The following ADAM33 variants were observed in gnomAD, a reference collection of about 807,000 sequenced individuals.
The protein encoded by ADAM33 is disintegrin and metalloproteinase domain-containing protein 33.
In ADAM33, 103 loss-of-function variants were observed where a neutral mutation model predicts 106.2. The observed-to-expected ratio is 0.97, with a 90% CI of 0.83 to 1.14. The LOEUF (loss-of-function observed/expected upper bound fraction) is 1.14, where lower values mean the gene tolerates loss of function less well. Among genes scored for constraint, ADAM33 ranks in the 50% most tolerant of loss-of-function variants. The pLI is 0.00. For missense variants in ADAM33, 1,120 were observed against 1,096.6 expected, an observed-to-expected ratio of 1.02 and a Z score of -0.30; for synonymous variants, 483 against 453.0, an observed-to-expected ratio of 1.07 and a Z score of -0.84.
chr20:3,676,286 C>G (rs1600233630), intron 3 of ADAM33, among the ~76,000 whole-genome samples: 1 of 152,018 alleles, frequency 6.6e-6, no homozygotes, highest in African/African-American at 2.4e-5. Flanking sequence ...CTTCTGTGAT[C>G]TGGCCCTCCT....
At chr20:3,672,409 G>T (rs1343916565) in intron 13 of ADAM33, 80 bp from the exon 14 acceptor site, 25 of 1,577,834 alleles carry the variant, frequency 1.6e-5, no homozygotes, top group Middle Eastern at 1.7e-4. Flanking sequence ...GCGGCTCGGA[G>T]CTGGGGGAGC....
chr20:3,668,985 ATCTGGACT>A lies in ADAM33; in HGVS notation c.2412_2419del (p.Gln804HisfsTer13), dbSNP rs17548837. The A allele has an allele frequency of 0.039, 63,089 of 1,606,126 alleles. 1,712 individuals carry two copies. Among genetic ancestry groups the A allele is most frequent in the East Asian group, 0.11 (4,990 of 44,562 alleles). ...CTCTCACCAGAGGCAGGATCTTGGC[ATCTGGACT>A]TGATCTGCTGAGAATGAGGAGGATA... On this transcript the variant is annotated frameshift_variant, in exon 22 of 22. Coordinates refer to ENST00000356518, the MANE Select transcript of ADAM33 (RefSeq NM_025220.5). LOFTEE classifies it high-confidence loss of function.
Position 3,673,493 on chromosome 20 carries a change from G to A in ADAM33, c.994C>T (p.His332Tyr), listed in dbSNP as rs766544913. Residue 332 changes from histidine to tyrosine, a missense_variant, in exon 11 of 22, where the codon CAC (histidine) becomes TAC (tyrosine). Physicochemically the swap from His to Tyr is moderately conservative, Grantham distance 83. Coordinates refer to ENST00000356518, the MANE Select transcript of ADAM33 (RefSeq NM_025220.5). The stretch of plus-strand genomic sequence containing the variant: ...GCGGCGCCGATGGGGAGCTCCGAGT[G>A]GTCCTGGGGGGCCGTGGGAGGGCGG... ...AESSGGVSTDHSELPIGAAAT... is the reference protein window; with the variant it reads ...AESSGGVSTDYSELPIGAAAT... The A allele has an allele frequency of 2.0e-6, 3 of 1,494,252 alleles. No individual in the cohort carries two copies. The highest frequency in any genetic ancestry group is 2.3e-5 in the Admixed American group (1 of 43,556). The allele number at this position is 1,494,252 out of a possible 1,614,324, so 92.6% of individuals were successfully genotyped here.
At chr20:3,674,875 AT>A in intron 4 of ADAM33, 26 bp from the exon 5 acceptor site, 1 of 1,608,946 alleles carries the variant, frequency 6.2e-7, no homozygotes, top group Non-Finnish European at 8.5e-7. Flanking sequence ...CCAGCCCCAA[AT>A]CTCAGCCAGG....
Position 3,673,498 on chromosome 20 carries a change from TG to T in ADAM33, c.991-3del. The T allele has an allele frequency of 6.1e-6, 9 of 1,487,370 alleles. No homozygotes were observed. In the Admixed American group the frequency reaches 7.0e-5, roughly 12 times the overall value. The allele number at this position is 1,487,370 out of a possible 1,614,324, so 92.1% of individuals were successfully genotyped here. A position where few individuals can be genotyped will look rare whatever the true frequency, so the allele number is the denominator to read the frequency against. ...GCCGATGGGGAGCTCCGAGTGGTCC[TG>T]GGGGGCCGTGGGAGGGCGGTCACTG... On this transcript the variant is annotated splice_region_variant and splice_polypyrimidine_tract_variant and intron_variant, in intron 10 of 21. Coordinates refer to ENST00000356518, the MANE Select transcript of ADAM33 (RefSeq NM_025220.5).
Position 3,673,554 on chromosome 20 carries a change from C to G in ADAM33, c.990+20G>C, listed in dbSNP as rs1394450455. The G allele has an allele frequency of 7.1e-7, 1 of 1,403,364 alleles. No homozygotes were observed. The highest frequency in any genetic ancestry group is 3.3e-5 in the Admixed American group (1 of 30,500). The allele number at this position is 1,403,364 out of a possible 1,614,324, so 86.9% of individuals were successfully genotyped here. ...CGTAGAGCCTCCTGTCTCTCCCTCG[C>G]CCCCGCCCGCGGGGCTCACCGTGCT... On this transcript the variant is annotated intron_variant, in intron 10 of 21. Coordinates refer to ENST00000356518, the MANE Select transcript of ADAM33 (RefSeq NM_025220.5).
chr20:3,671,776 A>G lies in ADAM33; in HGVS notation c.1710T>C (p.Asp570=). 2 of 1,561,110 alleles carry G rather than the reference A, an allele frequency of 1.3e-6. No individual in the cohort carries two copies. The highest frequency in any genetic ancestry group is 1.7e-6 in the Non-Finnish European group (2 of 1,152,318). The change falls in exon 16 of 22, where the codon GAT becomes GAC. Residue 570 remains aspartate (D), a synonymous_variant. Coordinates refer to ENST00000356518, the MANE Select transcript of ADAM33 (RefSeq NM_025220.5). ...GGCACTGCAGCTTCCCACACAGGGC[A>G]TCCCTGGGGAGGAAGTAGAGGGGGG... is the stretch of plus-strand genomic sequence containing the variant. ...EGHFLPCAGR[D]ALCGKLQCQG... is the part of the protein sequence containing the mutation.
At chr20:3,676,129 T>A (rs1231609464) in intron 3 of ADAM33, among the ~76,000 whole-genome samples, 1 of 152,204 alleles carries the variant, frequency 6.6e-6, no homozygotes, top group Non-Finnish European at 1.5e-5. Flanking sequence ...GATAACATAA[T>A]CTGGGTGGTT....
At chr20:3,676,745 C>G (rs1383352985) in intron 3 of ADAM33, among the ~76,000 whole-genome samples, 1 of 152,140 alleles carries the variant, frequency 6.6e-6, no homozygotes, top group Non-Finnish European at 1.5e-5. Flanking sequence ...CCTGGGGTGC[C>G]GGCTCATCTT....
intron 19 of ADAM33, chr20:3,670,634 G>C: frequency 4.4e-6 from 1 of 225,612 alleles, no homozygotes. Context: ...AAACTGGTGA[G>C]ACAGAGGCTG....
chr20:3,673,600 CGCGGCACAT>C lies in ADAM33; in HGVS notation c.955_963del (p.Met319_Arg321del), dbSNP rs1568806879. ...GTGCTCACGCCTCCCGAGCTCTCGG[CGCGGCACAT>C]GCCCTCGACGGGCGCCAGGCCCACT... On this transcript the variant is annotated inframe_deletion, in exon 10 of 22. Transcript: ENST00000356518. 6.6e-6 allele frequency: 9 copies of C among 1,371,110 alleles called. No homozygotes were observed. The highest frequency in any genetic ancestry group is 8.4e-6 in the Non-Finnish European group (9 of 1,069,836). The allele number at this position is 1,371,110 out of a possible 1,614,324, so 84.9% of individuals were successfully genotyped here.
At chr20:3,679,376 G>C (rs942258197) in intron 2 of ADAM33, 116 bp downstream of exon 2, 18 of 1,052,022 alleles carry the variant, frequency 1.7e-5, no homozygotes, top group Non-Finnish European at 2.1e-5. Context: ...GCCTATAGGA[G>C]TAGTGACTTG....
At chr20:3,670,355 TATGTCAGAC>T (rs2087453346) in intron 19 of ADAM33, 1 of 160,306 alleles carries the variant, frequency 6.2e-6, no homozygotes, top group Non-Finnish European at 1.4e-5. Flanking sequence ...AAGACCAGGC[TATGTCAGAC>T]ATGGCCACAG....
At chr20:3,681,799 G>A in intron 1 of ADAM33, 109 bp downstream of exon 1, 2 of 1,430,482 alleles carry the variant, frequency 1.4e-6, no homozygotes, top group East Asian at 2.9e-5. Flanking sequence ...TATGGTGCCG[G>A]GGCCGTGAGA....
chr20:3,680,603 C>T (rs2088404376), intron 1 of ADAM33, among the ~76,000 whole-genome samples: 2 of 152,116 alleles, frequency 1.3e-5, no homozygotes, highest in Non-Finnish European at 2.9e-5. Context: ...GGAAAGGAGG[C>T]TAGAGGGGCC....
At chr20:3,681,764 T>G in intron 1 of ADAM33, 144 bp downstream of exon 1, 4 of 1,268,198 alleles carry the variant, frequency 3.2e-6, no homozygotes, top group South Asian at 1.8e-5. Context: ...CCCCAAAGAG[T>G]CCCCACGCCC....
At chr20:3,673,544 C>T in intron 10 of ADAM33, 30 bp downstream of exon 10, 1 of 1,420,966 alleles carries the variant, frequency 7.0e-7, no homozygotes, top group Non-Finnish European at 9.1e-7. Context: ...AGCCTCCTGT[C>T]TCTCCCTCGC....
Position 3,674,539 on chromosome 20 carries a change from C to T in ADAM33, c.565G>A (p.Gly189Ser). 1 of 1,613,540 alleles carries T rather than the reference C, an allele frequency of 6.2e-7. No individual in the cohort carries two copies. The highest frequency in any genetic ancestry group is 8.5e-7 in the Non-Finnish European group (1 of 1,179,926). Residue 189 changes from glycine (G) to serine (S), a missense_variant, in exon 6 of 22, where the codon GGC becomes AGC. Physicochemically the swap from Gly to Ser is moderately conservative, Grantham distance 56 (BLOSUM62 0). Transcript: ENST00000356518. Reference sequence around the variant, plus strand: ...GGACCACCAGGAAGGCTGGTCATGCCCGCTTTGTTCCCAGGATCCCTGTGG... The same window carrying T: ...GGACCACCAGGAAGGCTGGTCATGCTCGCTTTGTTCCCAGGATCCCTGTGG... The part of the protein sequence containing the change: ...CGHRDPGNKA[G>S]MTSLPGGPQS...
In ADAM33 at chr20:3,674,594, C is replaced by T; in HGVS notation, c.510G>A (p.Glu170=). 1 of 1,613,346 alleles carries T rather than the reference C, an allele frequency of 6.2e-7. No individual in the cohort carries two copies. Among genetic ancestry groups the T allele is most frequent in the Non-Finnish European group, 8.5e-7 (1 of 1,179,824 alleles). Residue 170 remains glutamate (E), a synonymous_variant, in exon 6 of 22, where the codon GAG becomes GAA. Coordinates refer to ENST00000356518, the MANE Select transcript of ADAM33 (RefSeq NM_025220.5). The part of the protein sequence containing the change: ...DFSTHEIFRM[E]QLLTWKGTCG... ...AGGTTCCTTTCCAGGTGAGCAGCTG[C>T]TCCATCCGAAAGATCTCGTGGGTTG...
Sources: gnomAD v4.1 joint callset for allele counts (sites outside exome capture counted in the v4.1 genomes callset) on GRCh38, gnomAD v4.1.1 for gene constraint, MANE v1.5 for transcripts, NCBI Gene and HGNC (gene_info 2026-07-23, HGNC 2026-07-21) for gene names.